Variants in PCDHA3 observed in about 807,000 individuals in gnomAD.
PCDHA3 encodes protocadherin alpha-3.
In PCDHA3, 41 loss-of-function variants were observed where a neutral mutation model predicts 62.2. That is an observed-to-expected ratio of 0.66 (90% confidence interval 0.51 to 0.86). The LOEUF is 0.86. Among genes scored for constraint, PCDHA3 ranks in the 40% least tolerant of loss-of-function variants. PCDHA3 has a pLI of 0.00. For missense variants in PCDHA3, 1,304 were observed against 1,241.2 expected (o/e 1.05, Z -0.76); for synonymous variants, 640 against 555.4 (o/e 1.15, Z -2.14).
chr5:140,822,625 G>A (rs2150117840), intron 1 of PCDHA3: 2 of 1,611,264 alleles, frequency 1.2e-6, no homozygotes, highest in South Asian at 1.1e-5. Context: ...TAGTAATCTT[G>A]TTCTTGACGA....
In PCDHA3 at chr5:140,854,965, C is replaced by T. The variant is rs951485051; in HGVS notation, c.2394+51374C>T. Among the ~76,000 whole-genome samples the T allele has an allele frequency of 4.0e-5, 6 of 149,774 alleles. 1 individual carries two copies. Among genetic ancestry groups the T allele is most frequent in the African/African-American group, 1.5e-4 (6 of 40,950 alleles). ...TAATAAATTTCTTAATTACTTTATT[C>T]AGAATTATAATTAAGATTCTTTTTG... On this transcript the variant is annotated intron_variant, in intron 1 of 3. Coordinates refer to ENST00000522353, the MANE Select transcript of PCDHA3 (RefSeq NM_018906.3).
chr5:140,883,306 C>G, intron 1 of PCDHA3: 1 of 1,614,050 alleles, frequency 6.2e-7, no homozygotes, highest in Non-Finnish European at 8.5e-7. Flanking sequence ...TAAATGATAA[C>G]GCCCCAGAGG....
intron 1 of PCDHA3, among the ~76,000 whole-genome samples, chr5:140,854,934 C>G (rs1363898254): frequency 6.7e-6 from 1 of 149,702 alleles, no homozygotes; most frequent in Non-Finnish European, 1.5e-5. Flanking sequence ...CCTCTGAAAG[C>G]AGAAATAATA....
At chr5:140,957,398 T>A (rs1162675184) in intron 1 of PCDHA3, among the ~76,000 whole-genome samples, 1 of 152,186 alleles carries the variant, frequency 6.6e-6, no homozygotes, top group Non-Finnish European at 1.5e-5. Flanking sequence ...ATTGTCCTAA[T>A]TTATTATTAT....
intron 1 of PCDHA3, among the ~76,000 whole-genome samples, chr5:140,890,847 C>A (rs2062829860): frequency 1.3e-5 from 2 of 152,148 alleles, no homozygotes. Flanking sequence ...AGTTTTGTTT[C>A]TCTTCCTTAC....
In PCDHA3 at chr5:140,869,461, A is replaced by G. The variant is rs372195509; in HGVS notation, c.2394+65870A>G. ...CAGGCCGCTGCAGGTTTTCCATGTG[A>G]ACGTGGAGGTGAAGGACATTAACGA... On this transcript the variant is annotated intron_variant, in intron 1 of 3. Transcript: ENST00000522353. 5.8e-5 allele frequency: 94 copies of G among 1,614,148 alleles called. No homozygotes were observed. In the African/African-American group the frequency reaches 7.9e-4, roughly 13 times the overall value.
intron 1 of PCDHA3, 34 bp downstream of exon 1, chr5:140,803,625 C>G: frequency 6.2e-7 from 1 of 1,613,858 alleles, no homozygotes; most frequent in Non-Finnish European, 8.5e-7. Flanking sequence ...TCCAAAATGT[C>G]TTTGTTTTTC....
chr5:140,969,399 AT>A, intron 1 of PCDHA3: 1 of 1,580,514 alleles, frequency 6.3e-7, no homozygotes, highest in Non-Finnish European at 8.6e-7. Context: ...ATATCCTGTG[AT>A]TTGGCTTTAT....
chr5:140,807,556 G>A, intron 1 of PCDHA3: 2 of 1,614,184 alleles, frequency 1.2e-6, no homozygotes, highest in Non-Finnish European at 1.7e-6. Context: ...ACGTGGAGGT[G>A]AGGGACATTA....
chr5:141,007,311 G>T (rs1268953957), intron 3 of PCDHA3, among the ~76,000 whole-genome samples: 1 of 151,596 alleles, frequency 6.6e-6, no homozygotes, highest in Non-Finnish European at 1.5e-5. Context: ...AGCATTTTGG[G>T]AGGCTAAAGT....
intron 1 of PCDHA3, chr5:140,852,164 G>A (rs1176947336): frequency 2.4e-6 from 2 of 829,782 alleles, no homozygotes; most frequent in Non-Finnish European, 3.0e-6. Context: ...TGAGAATAGA[G>A]CCACAAAAAT....
chr5:140,815,149 G>A (rs2126662036), intron 1 of PCDHA3: 1 of 152,118 alleles, frequency 6.6e-6, no homozygotes, highest in South Asian at 2.1e-4. Flanking sequence ...CAACCACTTT[G>A]TATCTTTTGA....
At chr5:140,877,487 A>C (rs1293347310) in intron 1 of PCDHA3, 1 of 1,613,704 alleles carries the variant, frequency 6.2e-7, no homozygotes, top group African/African-American at 1.3e-5. Context: ...CTGGTGGAGA[A>C]CGGCCAGGCC....
intron 1 of PCDHA3, chr5:140,867,240 G>C (rs538392641): frequency 6.6e-6 from 1 of 152,186 alleles, no homozygotes; most frequent in African/African-American, 2.4e-5. Context: ...TAAGGTGATT[G>C]AGGATCTGTT....
intron 1 of PCDHA3, among the ~76,000 whole-genome samples, chr5:140,925,533 A>C (rs1334031760): frequency 1.3e-5 from 2 of 152,062 alleles, no homozygotes; most frequent in Non-Finnish European, 2.9e-5. Flanking sequence ...AAGCGAGGAG[A>C]AATACCTAAT....
At chr5:140,906,099 T>G (rs1377633678) in intron 1 of PCDHA3, among the ~76,000 whole-genome samples, 1 of 152,118 alleles carries the variant, frequency 6.6e-6, no homozygotes, top group African/African-American at 2.4e-5. Flanking sequence ...AGTAAGTGTG[T>G]CTTTCCCAGT....
intron 1 of PCDHA3, chr5:140,862,407 C>T: frequency 2.8e-6 from 1 of 351,564 alleles, no homozygotes; most frequent in Non-Finnish European, 5.6e-6. Flanking sequence ...TGTCTACCTT[C>T]AAAAGGCGCT....
chr5:140,899,056 G>C (rs1370417194), intron 1 of PCDHA3, among the ~76,000 whole-genome samples: 14 of 152,060 alleles, frequency 9.2e-5, no homozygotes, highest in Non-Finnish European at 2.9e-5. Flanking sequence ...CTGAGACTTT[G>C]CTGAAGTTGC....
At chr5:140,997,533 A>G (rs1247028089) in intron 3 of PCDHA3, among the ~76,000 whole-genome samples, 1 of 152,230 alleles carries the variant, frequency 6.6e-6, no homozygotes, top group Non-Finnish European at 1.5e-5. Context: ...CAATAAAAAT[A>G]CATTATTATA....
Sources: allele counts gnomAD v4.1 joint callset (sites outside exome capture counted in the v4.1 genomes callset), GRCh38; gene constraint gnomAD v4.1.1; transcripts MANE v1.5; gene names NCBI Gene and HGNC (gene_info 2026-07-23, HGNC 2026-07-21).